BRAT1: variants seen among roughly 807,000 people sequenced by gnomAD.
BRAT1 encodes the protein integrator complex assembly factor BRAT1.
Under a neutral mutation model 70.6 loss-of-function variants are expected in BRAT1, and 74 were observed. The observed-to-expected ratio is 1.05, with a 90% CI of 0.87 to 1.27. The LOEUF (loss-of-function observed/expected upper bound fraction) is 1.27. Among genes scored for constraint, BRAT1 ranks in the 50% most tolerant of loss-of-function variants. The probability of loss-of-function intolerance (pLI) is 0.00; values close to 1 mark genes in which losing one functional copy is unlikely to be tolerated. For synonymous variants in BRAT1, 615 were observed against 517.1 expected (o/e 1.19, Z -2.57); for missense variants, 1,203 against 1,098.2 (o/e 1.10, Z -1.35).
Position 2,538,268 on chromosome 7 carries a change from C to A in BRAT1, c.2267G>T (p.Arg756Leu), listed in dbSNP as rs35955968. 3 of 1,611,078 alleles carry A rather than the reference C, an allele frequency of 1.9e-6. No homozygotes were observed. Among genetic ancestry groups the A allele is most frequent in the Non-Finnish European group, 2.5e-6 (3 of 1,179,178 alleles). The change falls in exon 14 of 14, where the codon CGG (arginine) becomes CTG (leucine). Residue 756 changes from arginine (R) to leucine (L), a missense_variant. By Grantham distance (102) the Arg-to-Leu change is moderately radical. Coordinates refer to ENST00000340611, the MANE Select transcript of BRAT1 (RefSeq NM_152743.4). ...ASAEATLPRW[R>L]AGEQAQPPGD... ...TGGGGGCTGGGCCTGCTCACCCGCC[C>A]GCCACCTCGGCAGGGTGGCCTCTGC...
Position 2,539,899 on chromosome 7 carries a change from T to TA in BRAT1, c.1396-12dup. Reference sequence around the variant, plus strand: ...GGCCTTCTTCAGAACCTGGAGCAGATAGGGTGGGCTGCAGGGCCACGGGAG... The same window carrying TA: ...GGCCTTCTTCAGAACCTGGAGCAGATAAGGGTGGGCTGCAGGGCCACGGGAG... On this transcript the variant is annotated splice_polypyrimidine_tract_variant and intron_variant, in intron 10 of 13. Coordinates refer to ENST00000340611, the MANE Select transcript of BRAT1 (RefSeq NM_152743.4). The TA allele has an allele frequency of 6.6e-7, 1 of 1,518,976 alleles. No homozygotes were observed. The highest frequency in any genetic ancestry group is 8.8e-7 in the Non-Finnish European group (1 of 1,133,444). The allele number at this position is 1,518,976 out of a possible 1,614,324, so 94.1% of individuals were successfully genotyped here.
Position 2,538,725 on chromosome 7 carries a change from A to C in BRAT1, c.1810T>G (p.Ser604Ala), listed in dbSNP as rs199501131. The C allele has an allele frequency of 6.3e-7, 1 of 1,598,360 alleles. No homozygotes were observed. The highest frequency in any genetic ancestry group is 2.2e-5 in the East Asian group (1 of 44,866). ...ACCGCCCGCCGTGGGAAGCCCTCCG[A>C]GTCTACGGAGAGGATGTGCAGGAGC... Reference protein sequence around the residue: ...LELLHILSVDSEGFPRRAVMQ... With the variant: ...LELLHILSVDAEGFPRRAVMQ... The change falls in exon 14 of 14, where the codon TCG becomes GCG. Residue 604 changes from serine to alanine, a missense_variant. By Grantham distance (99) the Ser-to-Ala change is moderately conservative. Coordinates refer to ENST00000340611, the MANE Select transcript of BRAT1 (RefSeq NM_152743.4).
chr7:2,540,677 G>A (rs1042954790), intron 10 of BRAT1: 6 of 343,450 alleles, frequency 1.7e-5, no homozygotes, highest in Non-Finnish European at 3.1e-5. Flanking sequence ...CAAAGCCCAC[G>A]CCCAGGGCCG....
chr7:2,552,102 ATATATTTTTTTTT>A (rs1780070955), intron 2 of BRAT1, among the ~76,000 whole-genome samples: 1 of 14,714 alleles, frequency 6.8e-5, no homozygotes, highest in African/African-American at 2.2e-4. Context: ...ATATATATAT[ATATATTTTTTTTT>A]TTTTTTTTTT....
chr7:2,543,213 A>ATACCTG lies in BRAT1; in HGVS notation c.913_914insCAGGTA (p.Leu305delinsProGlyIle), dbSNP rs1779317887. ...GCACCCCAGACCATACCAGTGCTCG[A>ATACCTG]GCTTCAGGATCCCCAAAGCCAGGGG... On this transcript the variant is annotated protein_altering_variant, in exon 6 of 14. Coordinates refer to ENST00000340611, the MANE Select transcript of BRAT1 (RefSeq NM_152743.4). The surrounding 1 kb of genome is among the most constrained non-coding windows in gnomAD (Gnocchi z 5.5). 1.2e-5 allele frequency: 20 copies of ATACCTG among 1,605,316 alleles called. No homozygotes were observed. The highest frequency in any genetic ancestry group is 1.7e-5 in the Non-Finnish European group (20 of 1,176,170).
At chr7:2,542,926 G>GCTAAT in intron 6 of BRAT1, 1 of 240,366 alleles carries the variant, frequency 4.2e-6, no homozygotes, top group Non-Finnish European at 8.0e-6. Context: ...GGAGCGCAGG[G>GCTAAT]CGTCGGCAGG....
Position 2,538,390 on chromosome 7 carries a change from C to T in BRAT1, c.2145G>A (p.Val715=). 1 of 1,613,578 alleles carries T rather than the reference C, an allele frequency of 6.2e-7. No individual in the cohort carries two copies. The highest frequency in any genetic ancestry group is 8.5e-7 in the Non-Finnish European group (1 of 1,179,962). The change falls in exon 14 of 14, where the codon GTG becomes GTA. Residue 715 remains valine (V), a synonymous_variant. Transcript: ENST00000340611. The part of the protein sequence containing the change: ...FCALFDCDRP[V]AQKSCDLLLF... ...GAAGGAGGTCACAAGACTTCTGCGC[C>T]ACAGGGCGGTCGCAGTCAAACAAGG...
rs1309057520 is a variant in BRAT1, at chr7:2,538,496, G to C, written c.2039C>G (p.Pro680Arg). Residue 680 changes from proline (P) to arginine (R), a missense_variant, in exon 14 of 14, where the codon CCC becomes CGC. Transcript: ENST00000340611. The stretch of plus-strand genomic sequence containing the variant: ...GAGTGGCTGGGCTGGGGCCACCTCG[G>C]GTAGGGCCACGGCATAGGGGCAGTG... ...RTHCPYAVAL[P>R]EVAPAQPLTE... 48 of 1,611,376 alleles carry C rather than the reference G, an allele frequency of 3.0e-5. No individual in the cohort carries two copies. The East Asian group carries it at 1.0e-3, about 34-fold the overall frequency.
chr7:2,545,397 A>C, intron 3 of BRAT1, among the ~76,000 whole-genome samples: 1 of 135,874 alleles, frequency 7.4e-6, no homozygotes, highest in African/African-American at 2.8e-5. Context: ...AAAAGAGGTG[A>C]GGGGACCTGG....
chr7:2,553,318 A>C (rs1780174653), intron 2 of BRAT1, among the ~76,000 whole-genome samples: 1 of 152,238 alleles, frequency 6.6e-6, no homozygotes, highest in Non-Finnish European at 1.5e-5. Context: ...AGCATGAGTC[A>C]CCGCGCCTGA....
At chr7:2,540,783 A>T in intron 10 of BRAT1, 196 bp downstream of exon 10, 2 of 510,484 alleles carry the variant, frequency 3.9e-6, no homozygotes, top group Non-Finnish European at 6.6e-6. Context: ...CTGCGTGCTG[A>T]TGTATCTTCA....
intron 3 of BRAT1, among the ~76,000 whole-genome samples, chr7:2,546,018 G>A (rs917193903): frequency 1.3e-5 from 2 of 152,244 alleles, no homozygotes; most frequent in Non-Finnish European, 1.5e-5. Flanking sequence ...AAGAGAAGCC[G>A]TCGTGGTAGA....
rs1309244965 is a variant in BRAT1, at chr7:2,538,068, C to T, written c.*1G>A. On this transcript the variant is annotated 3_prime_UTR_variant, in exon 14 of 14. Transcript: ENST00000340611. Reference sequence around the variant, plus strand: ...GCCCCAGTGGCAGACTCTGGTTCTGCTCAGTAGCAGTCGGCCTCGTCCCCC... The same window carrying T: ...GCCCCAGTGGCAGACTCTGGTTCTGTTCAGTAGCAGTCGGCCTCGTCCCCC... The T allele has an allele frequency of 1.3e-6, 2 of 1,557,988 alleles. No individual in the cohort carries two copies. Among genetic ancestry groups the T allele is most frequent in the Admixed American group, 1.8e-5 (1 of 55,640 alleles).
Position 2,543,032 on chromosome 7 carries a change from A to G in BRAT1, c.923+172T>C. The G allele has an allele frequency of 2.9e-6, 2 of 690,178 alleles. No homozygotes were observed. Among genetic ancestry groups the G allele is most frequent in the Non-Finnish European group, 4.6e-6 (2 of 437,274 alleles). 42.8% of individuals were successfully genotyped at this position (690,178 alleles called of 1,614,324 possible). Reference sequence around the variant, plus strand: ...GAAACAATTATTCTGTTGCTAAAGAACCTTCAGAAGCTGCCGCGCGCAACC... The same window carrying G: ...GAAACAATTATTCTGTTGCTAAAGAGCCTTCAGAAGCTGCCGCGCGCAACC... On this transcript the variant is annotated intron_variant, in intron 6 of 13. Transcript: ENST00000340611. The surrounding 1 kb of genome is among the most constrained non-coding windows in gnomAD (Gnocchi z 5.5).
chr7:2,543,099 C>A lies in BRAT1; in HGVS notation c.923+105G>T. ...ACACCCCGCACGGCCGCCTGACTGT[C>A]CCTGGTGTCCGGAACTCCCCTGCCA... On this transcript the variant is annotated intron_variant, in intron 6 of 13. Transcript: ENST00000340611. This position sits in a 1 kb window ranked among gnomAD's most constrained non-coding sequence, Gnocchi z 5.5. The A allele has an allele frequency of 7.1e-7, 1 of 1,409,816 alleles. No individual in the cohort carries two copies. The highest frequency in any genetic ancestry group is 9.4e-7 in the Non-Finnish European group (1 of 1,061,316). 87.3% of individuals were successfully genotyped at this position (1,409,816 alleles called of 1,614,324 possible).
intron 3 of BRAT1, among the ~76,000 whole-genome samples, chr7:2,546,311 G>C (rs1430190904): frequency 6.6e-6 from 1 of 152,042 alleles, no homozygotes; most frequent in African/African-American, 2.4e-5. Context: ...TGTGGTTCAT[G>C]CACCTGTGGA....
chr7:2,545,697 T>C (rs1434266401), intron 3 of BRAT1, among the ~76,000 whole-genome samples: 1 of 152,056 alleles, frequency 6.6e-6, no homozygotes, highest in African/African-American at 2.4e-5. Context: ...ACCATGTTGG[T>C]TAGCCTGGTC....
At chr7:2,554,635 G>A (rs1780278034) in intron 1 of BRAT1, among the ~76,000 whole-genome samples, 188 bp from the exon 2 acceptor site, 1 of 152,240 alleles carries the variant, frequency 6.6e-6, no homozygotes, top group Non-Finnish European at 1.5e-5. Flanking sequence ...TTTGGTCTAG[G>A]TGGGGCCCTG....
Position 2,543,050 on chromosome 7 carries a change from G to T in BRAT1, c.923+154C>A. ...CTAAAGAACCTTCAGAAGCTGCCGC[G>T]CGCAACCCACGCACCACCCAGTCAC... On this transcript the variant is annotated intron_variant, in intron 6 of 13. Transcript: ENST00000340611. The surrounding 1 kb of genome is among the most constrained non-coding windows in gnomAD (Gnocchi z 5.5). 1 of 904,272 alleles carries T rather than the reference G, an allele frequency of 1.1e-6. No homozygotes were observed. Among genetic ancestry groups the T allele is most frequent in the Non-Finnish European group, 1.6e-6 (1 of 616,778 alleles). The allele number at this position is 904,272 out of a possible 1,614,324, so 56.0% of individuals were successfully genotyped here. A position where few individuals can be genotyped will look rare whatever the true frequency, so the allele number is the denominator to read the frequency against.
Sources: allele counts gnomAD v4.1 joint callset (sites outside exome capture counted in the v4.1 genomes callset), GRCh38; gene constraint gnomAD v4.1.1; non-coding constraint Gnocchi (gnomAD v3.1); transcripts MANE v1.5; gene names NCBI Gene and HGNC (gene_info 2026-07-23, HGNC 2026-07-21).